The following TKFC variants were observed in gnomAD, a reference collection of about 807,000 sequenced individuals.
The protein encoded by TKFC is triokinase and FMN cyclase, also known as triokinase/FMN cyclase.
TKFC carries 46 observed loss-of-function variants against 61.0 expected under a neutral mutation model. The ratio of observed to expected loss-of-function variants is 0.75; its 90% CI spans 0.60 to 0.96. The LOEUF is 0.96. Ranked by LOEUF, TKFC falls within the 50% of genes least tolerant of loss-of-function variation. TKFC has a pLI of 0.00. For missense variants in TKFC, 715 were observed against 777.5 expected, an observed-to-expected ratio of 0.92 and a Z score of 0.96; for synonymous variants, 314 against 330.1, an observed-to-expected ratio of 0.95 and a Z score of 0.53.
At chr11:61,333,813 G>A (rs566927180) in intron 1 of TKFC, 2 of 152,342 alleles carry the variant, frequency 1.3e-5, no homozygotes, top group Admixed American at 6.5e-5. Flanking sequence ...GGAACAAGAG[G>A]AATACCACGT....
rs893096441 is a variant in TKFC at position 61,343,809 on chromosome 11, C to T, written c.983-47C>T. On this transcript the variant is annotated intron_variant, in intron 11 of 17. Coordinates refer to ENST00000394900, the MANE Select transcript of TKFC (RefSeq NM_015533.4). The stretch of plus-strand genomic sequence containing the variant: ...TGGGAGGGTCCAAGCCCTGCTGAAT[C>T]CCTGGCTGGACAGCCGTGTCTAAGA... 5.7e-6 allele frequency: 9 copies of T among 1,582,024 alleles called. No homozygotes were observed. The Admixed American group carries it at 6.8e-5, about 12-fold the overall frequency.
At position 61,347,500 on chromosome 11, in the gene TKFC, C is replaced by T. The variant is rs1857186723; in HGVS notation, c.*997C>T. The T allele has an allele frequency of 1.0e-6, 1 of 982,134 alleles. No homozygotes were observed. The allele number at this position is 982,134 out of a possible 1,614,324, so 60.8% of individuals were successfully genotyped here. ...GCTGCGGTGAGCCATAAGCATGCCA[C>T]TATACTCCAGCCTGGGCAACAAAGC... On this transcript the variant is annotated 3_prime_UTR_variant, in exon 18 of 18. Coordinates refer to ENST00000394900, the MANE Select transcript of TKFC (RefSeq NM_015533.4).
chr11:61,344,242 CTG>C lies in TKFC; in HGVS notation c.1212_1213del (p.Cys404TrpfsTer111). 6.2e-7 allele frequency: 1 copy of C among 1,612,874 alleles called. No individual in the cohort carries two copies. The highest frequency in any genetic ancestry group is 8.5e-7 in the Non-Finnish European group (1 of 1,180,018). On this transcript the variant is annotated frameshift_variant, in exon 13 of 18. Transcript: ENST00000394900. LOFTEE classifies it high-confidence loss of function. ...ALDRAAGDGD[C>X]GTTHSRAARA... is the part of the protein sequence containing the mutation. ...TGGACCGGGCTGCTGGTGACGGCGACTGTGGCACCACCCACAGCCGTGCGGCC... is the reference window on the plus strand; with the variant it reads ...TGGACCGGGCTGCTGGTGACGGCGACTGGCACCACCCACAGCCGTGCGGCC...
chr11:61,337,163 C>T (rs949395300), intron 2 of TKFC, among the ~76,000 whole-genome samples: 2 of 152,016 alleles, frequency 1.3e-5, no homozygotes, highest in African/African-American at 2.4e-5. Context: ...TTTTTATTTC[C>T]GAGATGGAGT....
intron 6 of TKFC, 134 bp downstream of exon 6, chr11:61,341,648 G>A (rs1656504149): frequency 7.9e-7 from 1 of 1,266,910 alleles, no homozygotes; most frequent in Non-Finnish European, 1.1e-6. Flanking sequence ...TGTATCCCTG[G>A]GGGAGCTCCT....
At chr11:61,342,928 G>A (rs1251609127) in intron 10 of TKFC, 84 bp downstream of exon 10, 6 of 1,361,982 alleles carry the variant, frequency 4.4e-6, no homozygotes, top group Non-Finnish European at 6.2e-6. Flanking sequence ...AACACGGACT[G>A]TGCGTCAGAT....
chr11:61,345,734 G>T lies in TKFC; in HGVS notation c.1474G>T (p.Asp492Tyr), dbSNP rs554689264. The change falls in exon 16 of 18, where the codon GAC becomes TAC. Residue 492 changes from aspartate to tyrosine, a missense_variant. Transcript: ENST00000394900. ...MQKYGKAAPGDRTMLDSLWAA... is the reference protein window; with the variant it reads ...MQKYGKAAPGYRTMLDSLWAA... Reference sequence around the variant, plus strand: ...CAGGTATGGCAAGGCTGCTCCAGGGGACAGGACTATGGTATGTACTCAGGC... The same window carrying T: ...CAGGTATGGCAAGGCTGCTCCAGGGTACAGGACTATGGTATGTACTCAGGC... The T allele has an allele frequency of 3.0e-5, 48 of 1,614,252 alleles. No homozygotes were observed. The South Asian group carries it at 3.4e-4, about 11-fold the overall frequency.
At chr11:61,341,287 C>A in intron 5 of TKFC, 149 bp from the exon 6 acceptor site, 1 of 804,310 alleles carries the variant, frequency 1.2e-6, no homozygotes, top group Non-Finnish European at 2.1e-6. Flanking sequence ...GGAGTTTGCT[C>A]TTCTGCCCTA....
In TKFC at chr11:61,349,079, T is replaced by G. The variant is rs1857275186; in HGVS notation, c.*2576T>G. 1 of 166,588 alleles carries G rather than the reference T, an allele frequency of 6.0e-6. No individual in the cohort carries two copies. 10.3% of individuals were successfully genotyped at this position (166,588 alleles called of 1,614,324 possible). ...CCAAACCCCAGGCTTCTCACTTGCTTACTAAGCACAGCAGTCTGAAGCTTG... is the reference window on the plus strand; with the variant it reads ...CCAAACCCCAGGCTTCTCACTTGCTGACTAAGCACAGCAGTCTGAAGCTTG... On this transcript the variant is annotated 3_prime_UTR_variant, in exon 18 of 18. Coordinates refer to ENST00000394900, the MANE Select transcript of TKFC (RefSeq NM_015533.4).
At chr11:61,341,538 G>A (rs1460915744) in intron 6 of TKFC, 24 bp downstream of exon 6, 42 of 1,552,568 alleles carry the variant, frequency 2.7e-5, no homozygotes, top group Non-Finnish European at 3.6e-5. Flanking sequence ...TGGGAGCTGG[G>A]GAAGAGAGTG....
In TKFC at chr11:61,339,051, TC is replaced by T; in HGVS notation, c.194-13del. The T allele has an allele frequency of 6.2e-7, 1 of 1,609,286 alleles. No individual in the cohort carries two copies. The highest frequency in any genetic ancestry group is 8.5e-7 in the Non-Finnish European group (1 of 1,177,314). On this transcript the variant is annotated splice_polypyrimidine_tract_variant and intron_variant, in intron 3 of 17. Coordinates refer to ENST00000394900, the MANE Select transcript of TKFC (RefSeq NM_015533.4). Reference sequence around the variant, plus strand: ...GTCCCACCCAGCATGCTCACTCCACTCCTTCCACCTCCAGGTTTCATAGGGA... The same window carrying T: ...GTCCCACCCAGCATGCTCACTCCACTCTTCCACCTCCAGGTTTCATAGGGA...
downstream of TKFC, chr11:61,350,903 C>A: frequency 1.3e-6 from 2 of 1,507,344 alleles, no homozygotes; most frequent in East Asian, 2.3e-5. Flanking sequence ...CAGGGTAAGT[C>A]TTCTTGTCAA....
In TKFC at chr11:61,347,846, T is replaced by C; in HGVS notation, c.*1343T>C. On this transcript the variant is annotated 3_prime_UTR_variant, in exon 18 of 18. Coordinates refer to ENST00000394900, the MANE Select transcript of TKFC (RefSeq NM_015533.4). The stretch of plus-strand genomic sequence containing the variant: ...GGGACATGAAAGGATTCAAATGAAT[T>C]GATGAAGATGGGCCATAAAGCCCAG... 5 of 980,592 alleles carry C rather than the reference T, an allele frequency of 5.1e-6. No homozygotes were observed. The highest frequency in any genetic ancestry group is 6.1e-6 in the Non-Finnish European group (5 of 825,596). 60.7% of individuals were successfully genotyped at this position (980,592 alleles called of 1,614,324 possible).
At chr11:61,343,787 G>A in intron 11 of TKFC, 69 bp from the exon 12 acceptor site, 1 of 1,557,834 alleles carries the variant, frequency 6.4e-7, no homozygotes, top group Non-Finnish European at 8.7e-7. Context: ...GTCAGGATGG[G>A]AGGGTCCAAG....
In TKFC at chr11:61,347,582, C is replaced by T. The variant is rs1857196693; in HGVS notation, c.*1079C>T. 1.0e-6 allele frequency: 1 copy of T among 984,842 alleles called. No homozygotes were observed. The highest frequency in any genetic ancestry group is 1.8e-5 in the African/African-American group (1 of 57,020). 61.0% of individuals were successfully genotyped at this position (984,842 alleles called of 1,614,324 possible). On this transcript the variant is annotated 3_prime_UTR_variant, in exon 18 of 18. Coordinates refer to ENST00000394900, the MANE Select transcript of TKFC (RefSeq NM_015533.4). ...AAAAGAAACTGCAGCCAAGCCAGCC[C>T]CTAGGTCTCTTTCTAGAGCGATCAC... is the stretch of plus-strand genomic sequence containing the variant.
In TKFC at chr11:61,345,629, G is replaced by A. The variant is rs1035174438; in HGVS notation, c.1451+64G>A. On this transcript the variant is annotated intron_variant, in intron 15 of 17. Transcript: ENST00000394900. ...GGGGGAGGTGTTTGGTGACATCTGCGCCCTGCCAGGCCCTAGCCCAACCCT... is the reference window on the plus strand; with the variant it reads ...GGGGGAGGTGTTTGGTGACATCTGCACCCTGCCAGGCCCTAGCCCAACCCT... 41 of 1,612,056 alleles carry A rather than the reference G, an allele frequency of 2.5e-5. No individual in the cohort carries two copies. In the East Asian group the frequency reaches 3.1e-4, roughly 12 times the overall value.
chr11:61,353,280 C>T (rs542293525), downstream of TKFC: 24 of 1,086,942 alleles, frequency 2.2e-5, no homozygotes, highest in East Asian at 1.6e-4. Context: ...TGCCCACTAC[C>T]GTGCTAGCTT....
At chr11:61,336,844 CCACCCCTTCCTGCT>C (rs1254261155) in intron 2 of TKFC, among the ~76,000 whole-genome samples, 1 of 152,190 alleles carries the variant, frequency 6.6e-6, no homozygotes. Flanking sequence ...CCTCTCCTCC[CCACCCCTTCCTGCT>C]GGTCACCCGT....
At chr11:61,344,530 ATTG>A (rs1311050907) in intron 13 of TKFC, among the ~76,000 whole-genome samples, 1 of 151,760 alleles carries the variant, frequency 6.6e-6, no homozygotes, top group Non-Finnish European at 1.5e-5. Flanking sequence ...CGCCTGGCTA[ATTG>A]TTGTGTTTTT....
Sources: gnomAD v4.1 joint callset for allele counts (sites outside exome capture counted in the v4.1 genomes callset) on GRCh38, gnomAD v4.1.1 for gene constraint, MANE v1.5 for transcripts, NCBI Gene and HGNC (gene_info 2026-07-23, HGNC 2026-07-21) for gene names.